OSTN: variants seen among roughly 807,000 people sequenced by gnomAD.
OSTN encodes osteocrin.
Under a neutral mutation model 12.0 loss-of-function variants are expected in OSTN, and 9 were observed. The observed-to-expected ratio is 0.75, with a 90% CI of 0.45 to 1.30. The LOEUF (loss-of-function observed/expected upper bound fraction) is 1.30. Among genes scored for constraint, OSTN ranks in the 50% most tolerant of loss-of-function variants. The pLI, the probability that OSTN is intolerant of heterozygous loss-of-function variation, is 0.00. For missense variants in OSTN, 148 were observed against 152.3 expected (o/e 0.97, Z 0.15); for synonymous variants, 59 against 56.9 (o/e 1.04, Z -0.16).
rs1484212854 is a variant in OSTN at position 191,263,111 on chromosome 3, C to A, written c.*258C>A. Reference sequence around the variant, plus strand: ...CAAGAATGGTTAACTTCCCCTTAAACCTTACTTTTAAAAATAATAATTAAA... The same window carrying A: ...CAAGAATGGTTAACTTCCCCTTAAAACTTACTTTTAAAAATAATAATTAAA... On this transcript the variant is annotated 3_prime_UTR_variant, in exon 5 of 5. Coordinates refer to ENST00000682035, the MANE Select transcript of OSTN (RefSeq NM_198184.2). The A allele has an allele frequency of 4.5e-6, 2 of 446,626 alleles. No individual in the cohort carries two copies. The highest frequency in any genetic ancestry group is 7.9e-6 in the Non-Finnish European group (2 of 252,044). 27.7% of individuals were successfully genotyped at this position (446,626 alleles called of 1,614,324 possible).
At chr3:191,203,611 C>A (rs1352441332) in intron 1 of OSTN, among the ~76,000 whole-genome samples, 5 of 152,116 alleles carry the variant, frequency 3.3e-5, no homozygotes, top group African/African-American at 7.2e-5. Context: ...TAATTTGTTG[C>A]CTTCAGGGAC....
intron 3 of OSTN, among the ~76,000 whole-genome samples, chr3:191,224,699 A>C (rs1318938874): frequency 6.6e-6 from 1 of 152,162 alleles, no homozygotes; most frequent in Non-Finnish European, 1.5e-5. Context: ...AATCAAAAAC[A>C]AGAAGACAGT....
chr3:191,210,725 T>A (rs1046584166), intron 1 of OSTN, among the ~76,000 whole-genome samples: 3 of 152,322 alleles, frequency 2.0e-5, no homozygotes, highest in African/African-American at 4.8e-5. Context: ...GACTTTTTTT[T>A]AAGAAAATAG....
chr3:191,257,335 A>G (rs1305382304), intron 4 of OSTN, among the ~76,000 whole-genome samples: 2 of 151,958 alleles, frequency 1.3e-5, no homozygotes, highest in Non-Finnish European at 2.9e-5. Flanking sequence ...TATAGTTATT[A>G]TAGTGTTAAT....
intron 3 of OSTN, among the ~76,000 whole-genome samples, chr3:191,249,677 A>C (rs1399225100): frequency 6.6e-6 from 1 of 152,180 alleles, no homozygotes; most frequent in Non-Finnish European, 1.5e-5. Context: ...TTTAATATTC[A>C]CAAAATAACA....
chr3:191,232,432 T>G (rs1236392890), intron 3 of OSTN, among the ~76,000 whole-genome samples: 5 of 150,636 alleles, frequency 3.3e-5, no homozygotes, highest in Non-Finnish European at 5.9e-5. Flanking sequence ...TTGAAAGTAT[T>G]TGTGATTTAT....
At chr3:191,214,559 T>C (rs539234327) in intron 2 of OSTN, among the ~76,000 whole-genome samples, 2 of 151,562 alleles carry the variant, frequency 1.3e-5, no homozygotes, top group South Asian at 2.1e-4. Flanking sequence ...CATATGACTG[T>C]ATAAGGAAAC....
chr3:191,215,760 GAGC>G (rs1484644556), intron 2 of OSTN, among the ~76,000 whole-genome samples: 2 of 152,200 alleles, frequency 1.3e-5, no homozygotes, highest in Admixed American at 1.3e-4. Flanking sequence ...CCATGGTCTT[GAGC>G]AGCTCTGCCC....
intron 4 of OSTN, among the ~76,000 whole-genome samples, chr3:191,255,110 C>G (rs1715642650): frequency 6.6e-6 from 1 of 152,148 alleles, no homozygotes; most frequent in Non-Finnish European, 1.5e-5. Context: ...TGTTCCACCT[C>G]AGATCATCAA....
At chr3:191,234,821 C>T (rs1019096772) in intron 3 of OSTN, among the ~76,000 whole-genome samples, 1 of 151,878 alleles carries the variant, frequency 6.6e-6, no homozygotes, top group African/African-American at 2.4e-5. Flanking sequence ...GACCTCTCTC[C>T]TCCTCTTCCT....
At chr3:191,259,226 G>C (rs1445976794) in intron 4 of OSTN, among the ~76,000 whole-genome samples, 4 of 148,652 alleles carry the variant, frequency 2.7e-5, no homozygotes, top group Non-Finnish European at 5.9e-5. Flanking sequence ...ACAGACTCTT[G>C]CTTTGTCGCC....
chr3:191,250,641 C>T (rs2108552445), intron 4 of OSTN, among the ~76,000 whole-genome samples: 1 of 152,268 alleles, frequency 6.6e-6, no homozygotes, highest in East Asian at 1.9e-4. Context: ...TTCTTTCATT[C>T]ATTCATTATC....
At chr3:191,219,384 G>A (rs1714706587) in intron 3 of OSTN, among the ~76,000 whole-genome samples, 2 of 152,192 alleles carry the variant, frequency 1.3e-5, no homozygotes, top group African/African-American at 4.8e-5. Flanking sequence ...GAATCTGAGT[G>A]ACAAGTTCTC....
chr3:191,262,680 G>C (rs1715839303), intron 4 of OSTN, among the ~76,000 whole-genome samples, 186 bp from the exon 5 acceptor site: 1 of 152,168 alleles, frequency 6.6e-6, no homozygotes, highest in Non-Finnish European at 1.5e-5. Context: ...TCTTTTTAAT[G>C]TATTTTGAAC....
At chr3:191,230,035 C>T (rs1440597236) in intron 3 of OSTN, 2 of 150,888 alleles carry the variant, frequency 1.3e-5, no homozygotes, top group Admixed American at 6.6e-5. Context: ...CACTGCACTC[C>T]AGCCTGGGCA....
At chr3:191,241,499 T>G (rs1715322391) in intron 3 of OSTN, among the ~76,000 whole-genome samples, 1 of 152,110 alleles carries the variant, frequency 6.6e-6, no homozygotes, top group Admixed American at 6.5e-5. Flanking sequence ...TGTGCCTTTC[T>G]TAAAGGAGGA....
At chr3:191,241,642 T>C (rs1715324836) in intron 3 of OSTN, among the ~76,000 whole-genome samples, 1 of 152,162 alleles carries the variant, frequency 6.6e-6, no homozygotes, top group Non-Finnish European at 1.5e-5. Flanking sequence ...TAAAAGTTAT[T>C]GTATCCAACA....
chr3:191,255,299 C>T (rs1715646527), intron 4 of OSTN, among the ~76,000 whole-genome samples: 2 of 152,246 alleles, frequency 1.3e-5, no homozygotes, highest in South Asian at 4.1e-4. Context: ...CAGTTCCTAA[C>T]AGGCCACAGA....
intron 3 of OSTN, among the ~76,000 whole-genome samples, chr3:191,240,882 C>G (rs1715302441): frequency 6.6e-6 from 1 of 152,224 alleles, no homozygotes; most frequent in African/African-American, 2.4e-5. Flanking sequence ...GAGGCAGAAG[C>G]TGCAATAGCT....
Sources: gnomAD v4.1 joint callset for allele counts (sites outside exome capture counted in the v4.1 genomes callset) on GRCh38, gnomAD v4.1.1 for gene constraint, MANE v1.5 for transcripts, NCBI Gene and HGNC (gene_info 2026-07-23, HGNC 2026-07-21) for gene names.